The following PLCB4 variants were observed in gnomAD, a reference collection of about 807,000 sequenced individuals.
PLCB4 encodes the protein phospholipase C beta 4.
PLCB4 carries 77 observed loss-of-function variants against 178.8 expected under a neutral mutation model. The observed-to-expected ratio is 0.43, with a 90% CI of 0.36 to 0.52. The LOEUF (loss-of-function observed/expected upper bound fraction) is 0.52, where lower values mean the gene tolerates loss of function less well. PLCB4 is among the 20% of genes least tolerant of loss of function. The probability of loss-of-function intolerance (pLI) is 0.00; values close to 1 mark genes in which losing one functional copy is unlikely to be tolerated. For synonymous variants in PLCB4, 496 were observed against 490.8 expected, an observed-to-expected ratio of 1.01 and a Z score of -0.14; for missense variants, 1,024 against 1,453.4, an observed-to-expected ratio of 0.70 and a Z score of 4.80.
intron 3 of PLCB4, among the ~76,000 whole-genome samples, chr20:9,258,003 A>G (rs2094254543): frequency 1.3e-5 from 2 of 152,196 alleles, no homozygotes; most frequent in Admixed American, 6.6e-5. Context: ...TAGAAAACAG[A>G]ACAAAGAACC....
chr20:9,375,037 A>G (rs1168405551), intron 12 of PLCB4, among the ~76,000 whole-genome samples: 1 of 152,138 alleles, frequency 6.6e-6, no homozygotes, highest in East Asian at 1.9e-4. Context: ...TCTTTAGGTC[A>G]TAGGAACTGT....
intron 36 of PLCB4, 37 bp downstream of exon 36, chr20:9,468,709 T>A: frequency 8.6e-7 from 1 of 1,168,852 alleles, no homozygotes; most frequent in Non-Finnish European, 1.3e-6. Flanking sequence ...AATATGGCAT[T>A]GACTTGAGGA....
At chr20:9,261,577 T>C (rs2094298032) in intron 3 of PLCB4, among the ~76,000 whole-genome samples, 1 of 152,220 alleles carries the variant, frequency 6.6e-6, no homozygotes, top group African/African-American at 2.4e-5. Flanking sequence ...AAAAATATTC[T>C]AAGAGTTTAA....
chr20:9,271,480 A>C (rs543207076), intron 3 of PLCB4, among the ~76,000 whole-genome samples: 1 of 152,286 alleles, frequency 6.6e-6, no homozygotes, highest in South Asian at 2.1e-4. Context: ...CTGGTAACAA[A>C]GTTTATGCTT....
At chr20:9,107,286 C>G (rs1018437769) in intron 2 of PLCB4, among the ~76,000 whole-genome samples, 10 of 152,196 alleles carry the variant, frequency 6.6e-5, no homozygotes, top group Non-Finnish European at 1.3e-4. Context: ...AAGTAAAAAT[C>G]TCAGCTTGCA....
intron 2 of PLCB4, among the ~76,000 whole-genome samples, chr20:9,215,161 A>T (rs2093715735): frequency 6.6e-6 from 1 of 152,184 alleles, no homozygotes; most frequent in African/African-American, 2.4e-5. Context: ...TTCAACAAAG[A>T]TTTATTGAGC....
At chr20:9,199,204 C>G (rs139840890) in intron 2 of PLCB4, among the ~76,000 whole-genome samples, 1 of 152,146 alleles carries the variant, frequency 6.6e-6, no homozygotes, top group Non-Finnish European at 1.5e-5. Context: ...ATTCAAAGCT[C>G]TGGATTGTAA....
chr20:9,089,528 G>T (rs1473573862), intron 1 of PLCB4, among the ~76,000 whole-genome samples: 1 of 152,010 alleles, frequency 6.6e-6, no homozygotes, highest in Non-Finnish European at 1.5e-5. Context: ...GACAAAAATT[G>T]GTCTTTTCAT....
At chr20:9,275,842 CCTT>C (rs1363982967) in intron 3 of PLCB4, among the ~76,000 whole-genome samples, 1 of 152,198 alleles carries the variant, frequency 6.6e-6, no homozygotes, top group East Asian at 1.9e-4. Flanking sequence ...ATGATACAAT[CCTT>C]CTTTTTCCAC....
chr20:9,260,798 T>C (rs1328632401), intron 3 of PLCB4, among the ~76,000 whole-genome samples: 1 of 152,126 alleles, frequency 6.6e-6, no homozygotes, highest in East Asian at 1.9e-4. Flanking sequence ...TTTGTTCATT[T>C]TCTGTATTTT....
At chr20:9,076,737 G>T (rs2089887940) in intron 1 of PLCB4, among the ~76,000 whole-genome samples, 2 of 152,188 alleles carry the variant, frequency 1.3e-5, no homozygotes, top group African/African-American at 4.8e-5. Context: ...TGGATCAAAT[G>T]AAAATGCAGT....
intron 2 of PLCB4, among the ~76,000 whole-genome samples, chr20:9,180,282 G>A (rs1047297110): frequency 6.6e-6 from 1 of 151,986 alleles, no homozygotes; most frequent in South Asian, 2.1e-4. Context: ...AGTCAAGATC[G>A]GCTAGCTTAT....
intron 3 of PLCB4, among the ~76,000 whole-genome samples, chr20:9,294,612 G>A (rs1601662699): frequency 6.6e-6 from 1 of 152,210 alleles, no homozygotes; most frequent in East Asian, 1.9e-4. Context: ...ATTGGGCTGG[G>A]CTGGATAAGG....
chr20:9,212,250 T>G (rs1043376334), intron 2 of PLCB4, among the ~76,000 whole-genome samples: 1 of 152,220 alleles, frequency 6.6e-6, no homozygotes, highest in Non-Finnish European at 1.5e-5. Flanking sequence ...CTGCACAATC[T>G]CACTGACACA....
At chr20:9,133,227 G>A (rs1015207940) in intron 2 of PLCB4, among the ~76,000 whole-genome samples, 3 of 151,920 alleles carry the variant, frequency 2.0e-5, no homozygotes, top group African/African-American at 7.2e-5. Context: ...ATTGTGCTTT[G>A]TGCATACTTC....
At chr20:9,341,678 A>T (rs2033214681) in intron 7 of PLCB4, among the ~76,000 whole-genome samples, 1 of 151,786 alleles carries the variant, frequency 6.6e-6, no homozygotes, top group African/African-American at 2.4e-5. Flanking sequence ...ACTGAAAAAA[A>T]ATCCATGTAT....
chr20:9,249,175 G>A (rs1363794347), intron 3 of PLCB4, among the ~76,000 whole-genome samples: 1 of 151,682 alleles, frequency 6.6e-6, no homozygotes, highest in African/African-American at 2.4e-5. Context: ...TTATTTTAAG[G>A]TCAGTTGATT....
At chr20:9,405,163 G>A in intron 20 of PLCB4, 150 bp from the exon 21 acceptor site, 1 of 527,960 alleles carries the variant, frequency 1.9e-6, no homozygotes, top group Non-Finnish European at 3.4e-6. Context: ...GCCATCCATG[G>A]CTTTTTGTCA....
At chr20:9,265,558 G>A (rs1161758251) in intron 3 of PLCB4, among the ~76,000 whole-genome samples, 5 of 152,062 alleles carry the variant, frequency 3.3e-5, no homozygotes, top group Non-Finnish European at 5.9e-5. Flanking sequence ...CAAGACTCCT[G>A]GGGTCACAAC....
Sources: gnomAD v4.1 joint callset for allele counts (sites outside exome capture counted in the v4.1 genomes callset) on GRCh38, gnomAD v4.1.1 for gene constraint, MANE v1.5 for transcripts, NCBI Gene and HGNC (gene_info 2026-07-23, HGNC 2026-07-21) for gene names.